The following NUMB variants were observed in gnomAD, a reference collection of about 807,000 sequenced individuals.
The protein encoded by NUMB is NUMB endocytic adaptor protein, also known as protein numb homolog.
NUMB carries 29 observed loss-of-function variants against 59.7 expected under a neutral mutation model. That is an observed-to-expected ratio of 0.49 (90% confidence interval 0.36 to 0.66). The LOEUF is 0.66. Among genes scored for constraint, NUMB ranks in the 30% least tolerant of loss-of-function variants. The pLI is 0.00. For missense variants in NUMB, 723 were observed against 822.0 expected (o/e 0.88, Z 1.47); for synonymous variants, 288 against 288.2 (o/e 1.00, Z 0.01).
chr14:73,278,131 A>G (rs904348214), intron 12 of NUMB, among the ~76,000 whole-genome samples: 5 of 152,060 alleles, frequency 3.3e-5, no homozygotes, highest in Non-Finnish European at 5.9e-5. Context: ...AACAGAGCAA[A>G]AAGAAAATAA....
At chr14:73,281,807 T>C (rs182021372) in intron 11 of NUMB, among the ~76,000 whole-genome samples, 26 of 152,338 alleles carry the variant, frequency 1.7e-4, no homozygotes, top group Admixed American at 1.0e-3. Flanking sequence ...CTTCTCAACA[T>C]TGGCACCACT....
At chr14:73,315,935 G>A (rs1891060852) in intron 6 of NUMB, among the ~76,000 whole-genome samples, 1 of 152,126 alleles carries the variant, frequency 6.6e-6, no homozygotes, top group African/African-American at 2.4e-5. Flanking sequence ...CACCCAGGCT[G>A]GAGTGCAGTG....
chr14:73,343,436 A>G (rs1219247921), intron 4 of NUMB, among the ~76,000 whole-genome samples: 1 of 152,248 alleles, frequency 6.6e-6, no homozygotes, highest in Non-Finnish European at 1.5e-5. Context: ...TACGGTTGAC[A>G]TTGTTAGTTG....
In NUMB at chr14:73,278,546, T is replaced by C. The variant is rs144311869; in HGVS notation, c.1240+735A>G. On this transcript the variant is annotated intron_variant, in intron 12 of 12. Coordinates refer to ENST00000555238, the MANE Select transcript of NUMB (RefSeq NM_001005743.2). ...AAAAAAAAAAAACTTTTTGGTTTTA[T>C]AATTAATAGATGTTTTTTATACAAA... is the stretch of plus-strand genomic sequence containing the variant. 5.7e-4 allele frequency among the ~76,000 whole-genome samples: 87 copies of C among 151,806 alleles called. 1 individual carries two copies. The highest frequency in any genetic ancestry group is 2.1e-3 in the African/African-American group (85 of 41,418).
chr14:73,385,496 C>CTTTTTTTTTTTTTTTTTT (rs35526624), intron 2 of NUMB, among the ~76,000 whole-genome samples: 2 of 65,348 alleles, frequency 3.1e-5, no homozygotes, highest in African/African-American at 5.9e-5. Flanking sequence ...GGCTAGTGGC[C>CTTTTTTTTTTTTTTTTTT]TTTTTTTTTT....
At position 73,276,541 on chromosome 14, in the gene NUMB, G is replaced by T; in HGVS notation, c.*37C>A. ...CTTTGACCGCTACCCCCTGCTCCCT[G>T]TCTGGTATGGACAAGATACATAGCC... On this transcript the variant is annotated 3_prime_UTR_variant, in exon 13 of 13. Coordinates refer to ENST00000555238, the MANE Select transcript of NUMB (RefSeq NM_001005743.2). 6.5e-7 allele frequency: 1 copy of T among 1,534,592 alleles called. No homozygotes were observed. Among genetic ancestry groups the T allele is most frequent in the Non-Finnish European group, 8.9e-7 (1 of 1,118,886 alleles).
At chr14:73,314,600 C>A (rs972010314) in intron 6 of NUMB, among the ~76,000 whole-genome samples, 4 of 152,126 alleles carry the variant, frequency 2.6e-5, no homozygotes, top group African/African-American at 9.7e-5. Flanking sequence ...CTCCAGGCTC[C>A]TGAGTAGCGT....
At chr14:73,361,917 T>C (rs1483527280) in intron 3 of NUMB, among the ~76,000 whole-genome samples, 1 of 152,058 alleles carries the variant, frequency 6.6e-6, no homozygotes, top group African/African-American at 2.4e-5. Context: ...AAAACGAATA[T>C]ACTACTGATG....
At chr14:73,354,167 CT>C (rs1446495505) in intron 4 of NUMB, among the ~76,000 whole-genome samples, 1 of 151,478 alleles carries the variant, frequency 6.6e-6, no homozygotes, top group African/African-American at 2.4e-5. Flanking sequence ...ATCAGTGGTA[CT>C]GAGGCAGTAA....
chr14:73,396,321 G>GGTGT (rs200195176), intron 2 of NUMB, among the ~76,000 whole-genome samples: 1,783 of 144,296 alleles, frequency 0.012, 15 homozygotes, highest in African/African-American at 0.019. Context: ...AATTATTAGG[G>GGTGT]GTGTGTGTGT....
intron 4 of NUMB, among the ~76,000 whole-genome samples, chr14:73,355,116 T>C (rs544834742): frequency 6.6e-6 from 1 of 152,188 alleles, no homozygotes; most frequent in Non-Finnish European, 1.5e-5. Flanking sequence ...CTTCACTATG[T>C]TCTTAACCTC....
At chr14:73,305,285 A>C (rs2139869536) in intron 6 of NUMB, among the ~76,000 whole-genome samples, 1 of 152,330 alleles carries the variant, frequency 6.6e-6, no homozygotes, top group South Asian at 2.1e-4. Flanking sequence ...AGTGGGCCAT[A>C]GTTTGCGACA....
intron 2 of NUMB, among the ~76,000 whole-genome samples, chr14:73,402,368 G>A (rs1027269873): frequency 3.0e-4 from 45 of 152,078 alleles, no homozygotes; most frequent in African/African-American, 8.9e-4. Context: ...AAAATAGCAG[G>A]AGCAGATGCC....
intron 10 of NUMB, among the ~76,000 whole-genome samples, chr14:73,283,265 G>A (rs1010223179): frequency 2.0e-5 from 3 of 152,146 alleles, no homozygotes; most frequent in Non-Finnish European, 4.4e-5. Flanking sequence ...AAGACCCTCC[G>A]TAATCATCTA....
intron 5 of NUMB, among the ~76,000 whole-genome samples, chr14:73,322,560 T>C (rs1297417114): frequency 6.6e-6 from 1 of 152,188 alleles, no homozygotes; most frequent in East Asian, 1.9e-4. Flanking sequence ...AACACAGACC[T>C]CTATCCTCTA....
At chr14:73,292,094 A>C (rs965096907) in intron 8 of NUMB, among the ~76,000 whole-genome samples, 1 of 152,038 alleles carries the variant, frequency 6.6e-6, no homozygotes, top group African/African-American at 2.4e-5. Flanking sequence ...GCTGGAGTGT[A>C]ATGGCACGAT....
In NUMB at chr14:73,436,337, G is replaced by A. The variant is rs182067575; in HGVS notation, c.-233+22156C>T. Among the ~76,000 whole-genome samples, 496 of 152,072 alleles carry A rather than the reference G, an allele frequency of 3.3e-3. 1 individual carries two copies. Among genetic ancestry groups the A allele is most frequent in the African/African-American group, 0.011 (468 of 41,494 alleles). On this transcript the variant is annotated intron_variant, in intron 1 of 12. Coordinates refer to ENST00000555238, the MANE Select transcript of NUMB (RefSeq NM_001005743.2). ...ATTTTTGTTTTGTTTTGTTTTTGTTGACGGAGTCCCACTCTGTCGCCCAGG... is the reference window on the plus strand; with the variant it reads ...ATTTTTGTTTTGTTTTGTTTTTGTTAACGGAGTCCCACTCTGTCGCCCAGG...
chr14:73,305,752 TC>T (rs1454812759), intron 6 of NUMB, among the ~76,000 whole-genome samples: 1 of 152,218 alleles, frequency 6.6e-6, no homozygotes. Flanking sequence ...TGTGCAAAGT[TC>T]CTTCAGCTAC....
chr14:73,436,216 G>C (rs1419604788), intron 1 of NUMB, among the ~76,000 whole-genome samples: 1 of 152,116 alleles, frequency 6.6e-6, no homozygotes, highest in Non-Finnish European at 1.5e-5. Context: ...ATTTTAAACA[G>C]TCTCTAGTTG....
Sources: allele counts gnomAD v4.1 joint callset (sites outside exome capture counted in the v4.1 genomes callset), GRCh38; gene constraint gnomAD v4.1.1; transcripts MANE v1.5; gene names NCBI Gene and HGNC (gene_info 2026-07-23, HGNC 2026-07-21).